TOX: variants seen among roughly 807,000 people sequenced by gnomAD.
TOX encodes thymocyte selection associated high mobility group box.
Under a neutral mutation model 53.7 loss-of-function variants are expected in TOX, and 11 were observed. The observed-to-expected ratio is 0.20, with a 90% CI of 0.13 to 0.34. The LOEUF is 0.34. TOX is among the 10% of genes least tolerant of loss of function. TOX has a pLI of 1.00. For missense variants in TOX, 570 were observed against 664.6 expected (o/e 0.86, Z 1.56); for synonymous variants, 225 against 245.3 (o/e 0.92, Z 0.77).
At chr8:58,886,832 A>G (rs1404591262) in intron 3 of TOX, among the ~76,000 whole-genome samples, 1 of 151,660 alleles carries the variant, frequency 6.6e-6, no homozygotes, top group Non-Finnish European at 1.5e-5. Flanking sequence ...TATGTTTTAT[A>G]TTTTATTTTA....
intron 1 of TOX, among the ~76,000 whole-genome samples, chr8:59,102,601 C>A (rs1041860164): frequency 2.0e-5 from 3 of 152,068 alleles, no homozygotes; most frequent in African/African-American, 7.3e-5. Flanking sequence ...CAGCAAAGAC[C>A]CACCCCCATG....
At chr8:58,975,908 C>T (rs1412659387) in intron 1 of TOX, among the ~76,000 whole-genome samples, 1 of 152,092 alleles carries the variant, frequency 6.6e-6, no homozygotes, top group Admixed American at 6.5e-5. Context: ...CCCGTCTCTA[C>T]TAAAAATACA....
intron 1 of TOX, among the ~76,000 whole-genome samples, chr8:59,034,340 G>A (rs918222326): frequency 1.2e-4 from 19 of 152,320 alleles, no homozygotes; most frequent in African/African-American, 3.6e-4. Flanking sequence ...AAATGCCAGC[G>A]CTGACGCAAG....
intron 4 of TOX, among the ~76,000 whole-genome samples, chr8:58,846,640 A>G (rs945644691): frequency 1.3e-5 from 2 of 152,280 alleles, no homozygotes; most frequent in Middle Eastern, 3.4e-3. Context: ...ACATGCATTG[A>G]TGAACTAGCA....
intron 2 of TOX, among the ~76,000 whole-genome samples, chr8:58,945,819 G>A (rs191439520): frequency 2.6e-5 from 4 of 152,202 alleles, no homozygotes; most frequent in East Asian, 3.9e-4. Context: ...TCTTTTAAAC[G>A]TTGCCTTTTC....
chr8:58,906,754 G>A (rs1811822203), intron 3 of TOX, among the ~76,000 whole-genome samples: 1 of 152,032 alleles, frequency 6.6e-6, no homozygotes, highest in Non-Finnish European at 1.5e-5. Flanking sequence ...TCGTTAACTA[G>A]GAAAAACATA....
At chr8:58,948,474 G>A (rs1030953095) in intron 2 of TOX, among the ~76,000 whole-genome samples, 1 of 151,824 alleles carries the variant, frequency 6.6e-6, no homozygotes, top group Admixed American at 6.6e-5. Context: ...CATAAATAAG[G>A]GCCTCTCCTT....
chr8:58,993,445 C>T (rs1053892240), intron 1 of TOX, among the ~76,000 whole-genome samples: 15 of 152,122 alleles, frequency 9.9e-5, no homozygotes, highest in Non-Finnish European at 1.8e-4. Context: ...AAGCACAGGC[C>T]GTTCCAAAGC....
intron 3 of TOX, among the ~76,000 whole-genome samples, chr8:58,925,182 A>T (rs1197336501): frequency 6.6e-6 from 1 of 152,222 alleles, no homozygotes; most frequent in Non-Finnish European, 1.5e-5. Flanking sequence ...AAACCTCAGA[A>T]AATTTGAGTT....
Position 58,929,570 on chromosome 8 carries a change from T to A in TOX, c.411+9732A>T, listed in dbSNP as rs552241381. Among the ~76,000 whole-genome samples, 5 of 152,230 alleles carry A rather than the reference T, an allele frequency of 3.3e-5. No homozygotes were observed. The East Asian group carries it at 9.6e-4, about 29-fold the overall frequency. ...GCTCTAGATAATAATAGTTAATGAA[T>A]AATGAAGATAGTGGTGTCTTGAAAT... is the stretch of plus-strand genomic sequence containing the variant. On this transcript the variant is annotated intron_variant, in intron 3 of 8. Coordinates refer to ENST00000361421, the MANE Select transcript of TOX (RefSeq NM_014729.3).
chr8:58,967,973 T>C (rs1242504819), intron 1 of TOX, among the ~76,000 whole-genome samples: 1 of 152,230 alleles, frequency 6.6e-6, no homozygotes, highest in Non-Finnish European at 1.5e-5. Context: ...GCTTTCATTA[T>C]ATTAAAGAGT....
In TOX at chr8:58,896,280, C is replaced by T. The variant is rs73252616; in HGVS notation, c.411+43022G>A. On this transcript the variant is annotated intron_variant, in intron 3 of 8. Transcript: ENST00000361421. ...CAAGAGGGGAAAACACACCCACACC[C>T]AACATAAAAGGGGGATGGCTCTGCC... Among the ~76,000 whole-genome samples, 1,373 of 152,194 alleles carry T rather than the reference C, an allele frequency of 9.0e-3. 30 individuals carry two copies. The highest frequency in any genetic ancestry group is 0.031 in the African/African-American group (1,307 of 41,502).
chr8:58,888,707 G>T (rs1429305419), intron 3 of TOX, among the ~76,000 whole-genome samples: 1 of 151,522 alleles, frequency 6.6e-6, no homozygotes, highest in Non-Finnish European at 1.5e-5. Flanking sequence ...GGAATAAAAA[G>T]ACTACAGAAT....
At chr8:58,818,707 G>T (rs936273841) in intron 6 of TOX, among the ~76,000 whole-genome samples, 7 of 152,168 alleles carry the variant, frequency 4.6e-5, no homozygotes, top group African/African-American at 1.7e-4. Flanking sequence ...CATGGAGTGA[G>T]GAAGGATCTG....
chr8:59,010,311 A>C (rs1384274504), intron 1 of TOX, among the ~76,000 whole-genome samples: 2 of 152,226 alleles, frequency 1.3e-5, no homozygotes, highest in Admixed American at 1.3e-4. Flanking sequence ...CATATTAGCA[A>C]TTATTATGAC....
intron 3 of TOX, among the ~76,000 whole-genome samples, chr8:58,918,969 A>G (rs901989196): frequency 6.6e-6 from 1 of 151,216 alleles, no homozygotes; most frequent in South Asian, 2.1e-4. Context: ...CTTCAAAGAG[A>G]ATAAAATACC....
intron 1 of TOX, among the ~76,000 whole-genome samples, chr8:58,986,522 A>G (rs1813330899): frequency 6.6e-6 from 1 of 152,206 alleles, no homozygotes; most frequent in African/African-American, 2.4e-5. Context: ...TTTAAGCTCA[A>G]AGAGCAATTT....
intron 1 of TOX, among the ~76,000 whole-genome samples, chr8:58,995,139 C>T (rs1813538273): frequency 6.6e-6 from 1 of 152,234 alleles, no homozygotes; most frequent in Non-Finnish European, 1.5e-5. Flanking sequence ...CCAATATCTT[C>T]TGCCACTAAC....
Position 58,815,464 on chromosome 8 carries a change from C to G in TOX, c.1266G>C (p.Gln422His). The change falls in exon 7 of 9, where the codon CAG becomes CAC. Residue 422 changes from glutamine to histidine, a missense_variant. Transcript: ENST00000361421. ...GATGCTGGTGAAGAGGCGGGCTGAT[C>G]TGGAGGGGAGGAGGAGGGGACACAG... ...NMAVSPPPPL[Q>H]ISPPLHQHLN... 6.2e-7 allele frequency: 1 copy of G among 1,613,944 alleles called. No individual in the cohort carries two copies. Among genetic ancestry groups the G allele is most frequent in the Non-Finnish European group, 8.5e-7 (1 of 1,179,976 alleles).
Sources: gnomAD v4.1 joint callset for allele counts (sites outside exome capture counted in the v4.1 genomes callset) on GRCh38, gnomAD v4.1.1 for gene constraint, MANE v1.5 for transcripts, NCBI Gene and HGNC (gene_info 2026-07-23, HGNC 2026-07-21) for gene names.